TAB1: variants seen among roughly 807,000 people sequenced by gnomAD.
TAB1 encodes the protein TGF-beta activated kinase 1 (MAP3K7) binding protein 1.
Under a neutral mutation model 54.5 loss-of-function variants are expected in TAB1, and 30 were observed. The ratio of observed to expected loss-of-function variants is 0.55; its 90% CI spans 0.41 to 0.75. TAB1 has a LOEUF of 0.75. Among genes scored for constraint, TAB1 ranks in the 30% least tolerant of loss-of-function variants. TAB1 has a pLI of 0.00. For synonymous variants in TAB1, 289 were observed against 286.9 expected (o/e 1.01, Z -0.07); for missense variants, 609 against 683.2 (o/e 0.89, Z 1.21).
downstream of TAB1, among the ~76,000 whole-genome samples, chr22:39,436,186 A>G (rs938946634): frequency 6.6e-6 from 1 of 152,136 alleles, no homozygotes; most frequent in African/African-American, 2.4e-5. Context: ...CCAGCTACTC[A>G]GGAGGCTGAG....
rs1371273567 is a variant in TAB1 at position 39,415,218 on chromosome 22, A to G, written c.170+76A>G. ...AAGCAAGGAAAGACACCGACCTTGC[A>G]GCTTTCTCGTATGGGCTTGCCAGTG... On this transcript the variant is annotated intron_variant, in intron 2 of 10. Coordinates refer to ENST00000216160, the MANE Select transcript of TAB1 (RefSeq NM_006116.3). This position sits in a 1 kb window ranked among gnomAD's most constrained non-coding sequence, Gnocchi z 4.9. The G allele has an allele frequency of 3.3e-6, 5 of 1,499,196 alleles. No homozygotes were observed. The highest frequency in any genetic ancestry group is 3.6e-6 in the Non-Finnish European group (4 of 1,115,956). 92.9% of individuals were successfully genotyped at this position (1,499,196 alleles called of 1,614,324 possible).
In TAB1 at chr22:39,415,758, G is replaced by T; in HGVS notation, c.324+105G>T. 7.0e-7 allele frequency: 1 copy of T among 1,432,590 alleles called. No individual in the cohort carries two copies. Among genetic ancestry groups the T allele is most frequent in the Non-Finnish European group, 9.3e-7 (1 of 1,070,076 alleles). 88.7% of individuals were successfully genotyped at this position (1,432,590 alleles called of 1,614,324 possible). On this transcript the variant is annotated intron_variant, in intron 3 of 10. Coordinates refer to ENST00000216160, the MANE Select transcript of TAB1 (RefSeq NM_006116.3). This position sits in a 1 kb window ranked among gnomAD's most constrained non-coding sequence, Gnocchi z 4.9. ...TTGCCAGGGTTGGTGTGAAGATCCT[G>T]CCGGCCCCTTCACCCCAGTAGAGGA...
At chr22:39,406,709 T>C (rs1339750181) in intron 1 of TAB1, among the ~76,000 whole-genome samples, 1 of 152,118 alleles carries the variant, frequency 6.6e-6, no homozygotes, top group African/African-American at 2.4e-5. Context: ...CTCGGCTCAC[T>C]GCAAGCTCTG....
At position 39,429,010 on chromosome 22, in the gene TAB1, C is replaced by T. The variant is rs34424376; in HGVS notation, c.1307+827C>T. On this transcript the variant is annotated intron_variant, in intron 10 of 10. Transcript: ENST00000216160. ...AGGGGTGGCCTCTCCAGCACCCCTG[C>T]CGGGCTGCCTGGAGGAGTCCTCCAG... The T allele has an allele frequency of 6.4e-4, 619 of 973,610 alleles. 2 individuals carry two copies. The African/African-American group carries it at 9.9e-3, about 16-fold the overall frequency. 60.3% of individuals were successfully genotyped at this position (973,610 alleles called of 1,614,324 possible).
chr22:39,426,398 G>C (rs539020633), intron 8 of TAB1, among the ~76,000 whole-genome samples: 1 of 152,296 alleles, frequency 6.6e-6, no homozygotes, highest in African/African-American at 2.4e-5. Flanking sequence ...CTGGCAGAGT[G>C]CTCTCACACC....
At chr22:39,399,886 G>C (rs774402847) in intron 1 of TAB1, 51 bp downstream of exon 1, 5 of 1,554,654 alleles carry the variant, frequency 3.2e-6, no homozygotes, top group African/African-American at 1.4e-5. Flanking sequence ...CTGGGCGGGG[G>C]TGCTGTCGGG....
chr22:39,436,041 C>T (rs893920969), downstream of TAB1, among the ~76,000 whole-genome samples: 1 of 152,224 alleles, frequency 6.6e-6, no homozygotes, highest in Non-Finnish European at 1.5e-5. Context: ...CCTATAATCC[C>T]AGCACTTTGG....
chr22:39,400,262 C>T (rs566329758), intron 1 of TAB1, among the ~76,000 whole-genome samples: 1 of 152,354 alleles, frequency 6.6e-6, no homozygotes, highest in Admixed American at 6.5e-5. Context: ...ATTTTCGTAG[C>T]AGCCCCCTGA....
At chr22:39,403,560 C>G (rs943078094) in intron 1 of TAB1, among the ~76,000 whole-genome samples, 2 of 151,758 alleles carry the variant, frequency 1.3e-5, no homozygotes, top group Non-Finnish European at 2.9e-5. Context: ...TTCCATTCTT[C>G]ATGTGATGTG....
At position 39,416,802 on chromosome 22, in the gene TAB1, G is replaced by A. The variant is rs1299786470; in HGVS notation, c.336G>A (p.Val112=). 3.7e-6 allele frequency: 6 copies of A among 1,614,128 alleles called. No homozygotes were observed. The South Asian group carries it at 5.5e-5, about 15-fold the overall frequency. Residue 112 remains valine (V), a synonymous_variant, in exon 4 of 11, where the codon GTG becomes GTA. Transcript: ENST00000216160. ...CTGTGTCCCCCTAGGCCTTCGATGT[G>A]GTGGAGAGGAGCTTCCTGGAGTCCA... ...VRRVLLQAFD[V]VERSFLESID...
At chr22:39,400,059 T>G (rs1426307356) in intron 1 of TAB1, among the ~76,000 whole-genome samples, 1 of 152,112 alleles carries the variant, frequency 6.6e-6, no homozygotes, top group South Asian at 2.1e-4. Context: ...GGCTGTGGGC[T>G]GCTGCTGCCG....
downstream of TAB1, chr22:39,433,221 G>T (rs1927654286): frequency 2.0e-6 from 2 of 975,970 alleles, no homozygotes; most frequent in South Asian, 9.5e-5. Context: ...AGAGGCCAAG[G>T]CAGGCAGATC....
At position 39,431,673 on chromosome 22, in the gene TAB1, C is replaced by T. The variant is rs1034839424; in HGVS notation, c.*1451C>T. 1.0e-6 allele frequency: 1 copy of T among 985,336 alleles called. No homozygotes were observed. Among genetic ancestry groups the T allele is most frequent in the Non-Finnish European group, 1.2e-6 (1 of 829,970 alleles). 61.0% of individuals were successfully genotyped at this position (985,336 alleles called of 1,614,324 possible). On this transcript the variant is annotated 3_prime_UTR_variant, in exon 11 of 11. Transcript: ENST00000216160. ...AATGGAAGAAAAACAGGTCTCAGCC[C>T]AGGGTCCTCGCTCACTCCCTCACTC...
In TAB1 at chr22:39,426,892, G is replaced by T. The variant is rs146063498; in HGVS notation, c.1111G>T (p.Glu371Ter). Residue 371 changes from glutamate (E) to a stop codon, truncating the protein, a stop_gained, in exon 9 of 11, where the codon GAA (glutamate) becomes TAA (stop). Coordinates refer to ENST00000216160, the MANE Select transcript of TAB1 (RefSeq NM_006116.3). LOFTEE classifies it high-confidence loss of function. ...LVRNFGYPLG[E>*]MSQPTPSPAP... ...GAGGAACTTTGGCTACCCGCTGGGC[G>T]AAATGAGCCAGCCCACACCGAGCCC... The T allele has an allele frequency of 6.2e-7, 1 of 1,612,530 alleles. No individual in the cohort carries two copies. Among genetic ancestry groups the T allele is most frequent in the South Asian group, 1.1e-5 (1 of 91,080 alleles).
downstream of TAB1, chr22:39,437,063 A>C (rs1463952841): frequency 6.5e-6 from 1 of 153,930 alleles, no homozygotes; most frequent in African/African-American, 2.4e-5. Context: ...AAAAAAATTA[A>C]AATTATACTT....
Position 39,426,799 on chromosome 22 carries a change from G to A in TAB1, c.1018G>A (p.Asp340Asn), listed in dbSNP as rs1279504963. 5.0e-6 allele frequency: 8 copies of A among 1,613,918 alleles called. No individual in the cohort carries two copies. Among genetic ancestry groups the A allele is most frequent in the East Asian group, 2.2e-5 (1 of 44,900 alleles). Residue 340 changes from aspartate (D) to asparagine (N), a missense_variant, in exon 9 of 11, where the codon GAC (aspartate) becomes AAC (asparagine). Coordinates refer to ENST00000216160, the MANE Select transcript of TAB1 (RefSeq NM_006116.3). ...VVDRVKRIHS[D>N]TFASGGERAR... is the part of the protein sequence containing the mutation. ...GGACCGGGTGAAGCGCATCCACAGCGACACCTTCGCCAGTGGTGGGGAGCG... is the reference window on the plus strand; with the variant it reads ...GGACCGGGTGAAGCGCATCCACAGCAACACCTTCGCCAGTGGTGGGGAGCG...
At chr22:39,414,560 C>T (rs1926741422) in intron 1 of TAB1, among the ~76,000 whole-genome samples, 1 of 151,856 alleles carries the variant, frequency 6.6e-6, no homozygotes, top group African/African-American at 2.4e-5. Context: ...TGTCCCGGGC[C>T]CTGCCCAGAT....
chr22:39,407,262 A>G lies in TAB1; in HGVS notation c.33+7427A>G, dbSNP rs1037005420. ...GTTGATTTGCATACTTTGATTTTCT[A>G]TCCTGCCGCCTAACTGATTTCTTTT... On this transcript the variant is annotated intron_variant, in intron 1 of 10. Transcript: ENST00000216160. Among the ~76,000 whole-genome samples the G allele has an allele frequency of 1.5e-4, 23 of 152,162 alleles. 1 individual carries two copies. Among genetic ancestry groups the G allele is most frequent in the Admixed American group, 1.2e-3 (18 of 15,260 alleles).
chr22:39,426,175 A>C (rs1927326913), intron 8 of TAB1, among the ~76,000 whole-genome samples: 1 of 152,208 alleles, frequency 6.6e-6, no homozygotes. Flanking sequence ...TGATATTTTC[A>C]ACTTACAGTG....
Sources: gnomAD v4.1 joint callset for allele counts (sites outside exome capture counted in the v4.1 genomes callset) on GRCh38, gnomAD v4.1.1 for gene constraint, Gnocchi (gnomAD v3.1) non-coding constraint, MANE v1.5 for transcripts, NCBI Gene and HGNC (gene_info 2026-07-23, HGNC 2026-07-21) for gene names.